Variants in SEC14L5 observed in about 807,000 individuals in gnomAD.
SEC14L5 encodes the protein SEC14 like lipid binding 5, also known as SEC14-like protein 5.
Under a neutral mutation model 84.6 loss-of-function variants are expected in SEC14L5, and 96 were observed. The observed-to-expected ratio is 1.13, with a 90% CI of 0.96 to 1.34. SEC14L5 has a LOEUF of 1.34. Ranked by LOEUF, SEC14L5 falls within the 40% of genes most tolerant of loss-of-function variation. The pLI, the probability that SEC14L5 is intolerant of heterozygous loss-of-function variation, is 0.00. For synonymous variants in SEC14L5, 546 were observed against 383.4 expected (o/e 1.42, Z -4.95); for missense variants, 1,224 against 942.5 (o/e 1.30, Z -3.91).
In SEC14L5 at chr16:5,018,861, A is replaced by G. The variant is rs1348933292; in HGVS notation, c.*3891A>G. ...CTGTAAAATTTATTGTCCAATGAGAATAGTATAATTGTTTTCAACAAAGTC... is the reference window on the plus strand; with the variant it reads ...CTGTAAAATTTATTGTCCAATGAGAGTAGTATAATTGTTTTCAACAAAGTC... On this transcript the variant is annotated 3_prime_UTR_variant, in exon 16 of 16. Transcript: ENST00000251170. 6.6e-6 allele frequency: 1 copy of G among 152,182 alleles called. No individual in the cohort carries two copies. Among genetic ancestry groups the G allele is most frequent in the Admixed American group, 6.5e-5 (1 of 15,278 alleles). 9.4% of individuals were successfully genotyped at this position (152,182 alleles called of 1,614,324 possible).
At chr16:4,989,819 G>A (rs1389012627) in intron 4 of SEC14L5, among the ~76,000 whole-genome samples, 1 of 152,062 alleles carries the variant, frequency 6.6e-6, no homozygotes, top group Non-Finnish European at 1.5e-5. Context: ...AGCACCTGGG[G>A]CTGCTTGCGA....
At chr16:4,978,076 A>G (rs866041781) in intron 2 of SEC14L5, among the ~76,000 whole-genome samples, 185 of 146,428 alleles carry the variant, frequency 1.3e-3, no homozygotes, top group Middle Eastern at 7.0e-3. Context: ...TGCTGGGAGG[A>G]TAGGTGTGAG....
At chr16:4,993,654 A>C (rs1317576245) in intron 6 of SEC14L5, among the ~76,000 whole-genome samples, 1 of 152,214 alleles carries the variant, frequency 6.6e-6, no homozygotes, top group Non-Finnish European at 1.5e-5. Flanking sequence ...GTACTTAATA[A>C]TTTTTTTAAA....
chr16:4,984,479 A>C (rs1484062951), intron 2 of SEC14L5, among the ~76,000 whole-genome samples: 1 of 152,194 alleles, frequency 6.6e-6, no homozygotes, highest in African/African-American at 2.4e-5. Flanking sequence ...CCTATTACGA[A>C]TAATGTTGCT....
chr16:4,974,751 A>G (rs1955320754), intron 2 of SEC14L5, among the ~76,000 whole-genome samples: 1 of 151,970 alleles, frequency 6.6e-6, no homozygotes, highest in Non-Finnish European at 1.5e-5. Context: ...CCCAAAATCC[A>G]TTATATCATT....
rs552833640 is a variant in SEC14L5 at position 4,984,127 on chromosome 16, C to A, written c.64-3430C>A. Among the ~76,000 whole-genome samples, 11 of 152,264 alleles carry A rather than the reference C, an allele frequency of 7.2e-5. No individual in the cohort carries two copies. In the South Asian group the frequency reaches 2.3e-3, roughly 32 times the overall value. On this transcript the variant is annotated intron_variant, in intron 2 of 15. Coordinates refer to ENST00000251170, the MANE Select transcript of SEC14L5 (RefSeq NM_014692.2). ...TCACCGCAATCAGCTTTAGAATAGT[C>A]TCATTACCTCGAAAAGAAGCTCTGT...
intron 2 of SEC14L5, among the ~76,000 whole-genome samples, chr16:4,977,979 T>G (rs1955368032): frequency 1.3e-5 from 2 of 149,528 alleles, no homozygotes; most frequent in African/African-American, 4.9e-5. Context: ...TTTTTGCATT[T>G]TTAGTAGAGA....
chr16:4,978,764 G>A (rs886753870), intron 2 of SEC14L5, among the ~76,000 whole-genome samples: 8 of 147,008 alleles, frequency 5.4e-5, no homozygotes, highest in African/African-American at 7.5e-5. Flanking sequence ...CACCACGCTC[G>A]GCTAATCTTT....
chr16:4,986,283 G>A (rs927717256), intron 2 of SEC14L5, among the ~76,000 whole-genome samples: 1 of 152,000 alleles, frequency 6.6e-6, no homozygotes, highest in South Asian at 2.1e-4. Flanking sequence ...GGGATTACAG[G>A]CACCTGCCAC....
At chr16:5,003,335 T>G in intron 10 of SEC14L5, 67 bp from the exon 11 acceptor site, 28 of 1,228,586 alleles carry the variant, frequency 2.3e-5, no homozygotes, top group Middle Eastern at 2.2e-4. Context: ...TCATCCCCTG[T>G]GGGGAGGGTG....
At position 4,992,049 on chromosome 16, in the gene SEC14L5, G is replaced by C. The variant is rs888214368; in HGVS notation, c.667+19G>C. 1 of 1,515,406 alleles carries C rather than the reference G, an allele frequency of 6.6e-7. No homozygotes were observed. Among genetic ancestry groups the C allele is most frequent in the African/African-American group, 1.4e-5 (1 of 72,304 alleles). The allele number at this position is 1,515,406 out of a possible 1,614,324, so 93.9% of individuals were successfully genotyped here. A position where few individuals can be genotyped will look rare whatever the true frequency, so the allele number is the denominator to read the frequency against. On this transcript the variant is annotated intron_variant, in intron 6 of 15. Transcript: ENST00000251170. ...ATGGACGGTAGGTGGTACAGCCCAG[G>C]CCAGTCAGCCCTAGGAGGCTGCTGC...
intron 2 of SEC14L5, among the ~76,000 whole-genome samples, chr16:4,986,963 T>C (rs1955494435): frequency 6.6e-6 from 1 of 152,192 alleles, no homozygotes; most frequent in Non-Finnish European, 1.5e-5. Flanking sequence ...TATATAAATG[T>C]TCATGTCATC....
At chr16:4,962,914 T>A in intron 2 of SEC14L5, among the ~76,000 whole-genome samples, 1 of 152,200 alleles carries the variant, frequency 6.6e-6, no homozygotes, top group Non-Finnish European at 1.5e-5. Flanking sequence ...ACTTGCACAC[T>A]GTGGAAGCAC....
intron 6 of SEC14L5, among the ~76,000 whole-genome samples, chr16:4,994,967 C>T (rs904601020): frequency 6.6e-6 from 1 of 152,138 alleles, no homozygotes; most frequent in Non-Finnish European, 1.5e-5. Flanking sequence ...CGTTTTTCTC[C>T]CTCATCCCAT....
chr16:5,007,446 C>G lies in SEC14L5; in HGVS notation c.1532C>G (p.Thr511Ser). ...GACCAGCTGTGGCAGTGGAGTGAGA[C>G]CTACCATTCAGCCAGCGTGCTCCGC... ...HTDQLWQWSE[T>S]YHSASVLRGA... Residue 511 changes from threonine (T) to serine (S), a missense_variant, in exon 13 of 16, where the codon ACC (threonine) becomes AGC (serine). Thr to Ser is a moderately conservative substitution (Grantham distance 58). Coordinates refer to ENST00000251170, the MANE Select transcript of SEC14L5 (RefSeq NM_014692.2). 1 of 1,613,878 alleles carries G rather than the reference C, an allele frequency of 6.2e-7. No individual in the cohort carries two copies. The highest frequency in any genetic ancestry group is 8.5e-7 in the Non-Finnish European group (1 of 1,179,842).
intron 15 of SEC14L5, among the ~76,000 whole-genome samples, chr16:5,012,156 T>C (rs1285495768): frequency 1.3e-5 from 2 of 151,994 alleles, no homozygotes; most frequent in Admixed American, 6.5e-5. Flanking sequence ...AGGGGTCCCA[T>C]AGTTTGTCAG....
At chr16:4,982,328 G>T (rs1955433880) in intron 2 of SEC14L5, among the ~76,000 whole-genome samples, 1 of 152,194 alleles carries the variant, frequency 6.6e-6, no homozygotes, top group Admixed American at 6.5e-5. Flanking sequence ...GGGCACGTGG[G>T]CTGTGACAGG....
rs768863153 is a variant in SEC14L5, at chr16:4,990,798, T to A, written c.377T>A (p.Phe126Tyr). 3.1e-6 allele frequency: 5 copies of A among 1,611,802 alleles called. No individual in the cohort carries two copies. The highest frequency in any genetic ancestry group is 3.4e-6 in the Non-Finnish European group (4 of 1,178,876). ...CCTGAGAATGAAGACTGGACTTGCT[T>A]CGAGCAGTCTGCCTCACTGGACATT... ...VHPENEDWTC[F>Y]EQSASLDIRS... is the part of the protein sequence containing the mutation. Residue 126 changes from phenylalanine (F) to tyrosine (Y), a missense_variant, in exon 5 of 16, where the codon TTC (phenylalanine) becomes TAC (tyrosine). Physicochemically the swap from Phe to Tyr is conservative, Grantham distance 22 (BLOSUM62 3). Coordinates refer to ENST00000251170, the MANE Select transcript of SEC14L5 (RefSeq NM_014692.2).
chr16:4,958,780 T>C (rs1955084427), intron 1 of SEC14L5, among the ~76,000 whole-genome samples: 1 of 152,128 alleles, frequency 6.6e-6, no homozygotes, highest in African/African-American at 2.4e-5. Flanking sequence ...CCTGCGTGTG[T>C]ACATGTGTGT....
Sources: gnomAD v4.1 joint callset for allele counts (sites outside exome capture counted in the v4.1 genomes callset) on GRCh38, gnomAD v4.1.1 for gene constraint, MANE v1.5 for transcripts, NCBI Gene and HGNC (gene_info 2026-07-23, HGNC 2026-07-21) for gene names.